SNTG1: variants seen among roughly 807,000 people sequenced by gnomAD.
SNTG1 encodes the protein gamma-1-syntrophin.
SNTG1 carries 39 observed loss-of-function variants against 74.7 expected under a neutral mutation model. The observed-to-expected ratio is 0.52, with a 90% CI of 0.40 to 0.68. The LOEUF (loss-of-function observed/expected upper bound fraction) is 0.68. Ranked by LOEUF, SNTG1 falls within the 30% of genes least tolerant of loss-of-function variation. The probability of loss-of-function intolerance (pLI) is 0.00; values close to 1 mark genes in which losing one functional copy is unlikely to be tolerated. For synonymous variants in SNTG1, 254 were observed against 217.1 expected (o/e 1.17, Z -1.49); for missense variants, 685 against 609.5 (o/e 1.12, Z -1.30).
chr8:50,425,554 C>T (rs1364470452), intron 4 of SNTG1, among the ~76,000 whole-genome samples: 1 of 151,916 alleles, frequency 6.6e-6, no homozygotes, highest in African/African-American at 2.4e-5. Flanking sequence ...TTATATATTA[C>T]AGTATAATAA....
At chr8:50,749,568 A>G (rs753154144) in intron 17 of SNTG1, among the ~76,000 whole-genome samples, 25 of 151,974 alleles carry the variant, frequency 1.6e-4, no homozygotes, top group Non-Finnish European at 3.1e-4. Flanking sequence ...TGGCTTCAAA[A>G]CTTCAAAGGA....
chr8:50,734,279 T>C (rs911464844), intron 17 of SNTG1, among the ~76,000 whole-genome samples: 1 of 151,792 alleles, frequency 6.6e-6, no homozygotes, highest in African/African-American at 2.4e-5. Flanking sequence ...GCCTTTTGGC[T>C]AAGATCAAGT....
At chr8:50,565,948 A>T (rs985238373) in intron 12 of SNTG1, among the ~76,000 whole-genome samples, 7 of 152,000 alleles carry the variant, frequency 4.6e-5, no homozygotes, top group African/African-American at 1.7e-4. Context: ...AAAGAGATAC[A>T]ATCATAGCAA....
chr8:50,774,747 A>G (rs557656875), intron 18 of SNTG1, among the ~76,000 whole-genome samples: 14 of 151,864 alleles, frequency 9.2e-5, no homozygotes, highest in Admixed American at 6.6e-4. Flanking sequence ...AATGATAATT[A>G]TATCACTGTG....
chr8:50,345,714 AT>A (rs2091452693), intron 2 of SNTG1, among the ~76,000 whole-genome samples: 2 of 152,216 alleles, frequency 1.3e-5, no homozygotes, highest in African/African-American at 4.8e-5. Context: ...TTTTCAGTAT[AT>A]TTTATACCAG....
chr8:50,795,081 T>A lies in SNTG1; in HGVS notation c.*2252T>A, dbSNP rs1250021683. On this transcript the variant is annotated 3_prime_UTR_variant, in exon 19 of 19. Coordinates refer to ENST00000642720, the MANE Select transcript of SNTG1 (RefSeq NM_018967.5). ...ACATGGGTGTATATATATATAAATA[T>A]AATGAAATGCTGACCATTAATTATA... 3.3e-5 allele frequency: 5 copies of A among 151,832 alleles called. No homozygotes were observed. The highest frequency in any genetic ancestry group is 5.9e-5 in the Non-Finnish European group (4 of 67,918). The allele number at this position is 151,832 out of a possible 1,614,324, so 9.4% of individuals were successfully genotyped here. A position where few individuals can be genotyped will look rare whatever the true frequency, so the allele number is the denominator to read the frequency against.
chr8:50,326,244 CT>C (rs2090742768), intron 2 of SNTG1, among the ~76,000 whole-genome samples: 1 of 152,046 alleles, frequency 6.6e-6, no homozygotes, highest in Admixed American at 6.5e-5. Flanking sequence ...CCAATTCTGC[CT>C]TCTGGAAATG....
intron 4 of SNTG1, among the ~76,000 whole-genome samples, chr8:50,422,407 T>C (rs1381534201): frequency 6.6e-6 from 1 of 152,164 alleles, no homozygotes; most frequent in Middle Eastern, 3.2e-3. Flanking sequence ...TACAGCAGAT[T>C]ACACATTATT....
chr8:50,011,894 G>A (rs1815842298), intron 1 of SNTG1: 1 of 152,186 alleles, frequency 6.6e-6, no homozygotes. Flanking sequence ...CAACTTGAAT[G>A]TCAATGAACT....
At chr8:50,688,236 G>A (rs1430215152) in intron 15 of SNTG1, among the ~76,000 whole-genome samples, 1 of 152,048 alleles carries the variant, frequency 6.6e-6, no homozygotes, top group Admixed American at 6.6e-5. Flanking sequence ...AGTTTCTTTT[G>A]CTGTGCAGAA....
At chr8:50,468,608 A>C (rs2131728439) in intron 8 of SNTG1, among the ~76,000 whole-genome samples, 1 of 152,246 alleles carries the variant, frequency 6.6e-6, no homozygotes, top group African/African-American at 2.4e-5. Context: ...TGGTTGCAAT[A>C]TTTATACCAT....
At chr8:50,412,702 G>A (rs2092964981) in intron 4 of SNTG1, among the ~76,000 whole-genome samples, 1 of 152,096 alleles carries the variant, frequency 6.6e-6, no homozygotes, top group South Asian at 2.1e-4. Context: ...GAATTTTGCG[G>A]GATATATGTA....
intron 18 of SNTG1, among the ~76,000 whole-genome samples, chr8:50,778,618 A>G (rs1419560123): frequency 2.7e-5 from 4 of 148,484 alleles, no homozygotes; most frequent in Non-Finnish European, 2.9e-5. Flanking sequence ...CTGTCAGATG[A>G]GTAGGTTGCG....
rs191152856 is a variant in SNTG1 at position 50,578,128 on chromosome 8, G to A, written c.811-12751G>A. Reference sequence around the variant, plus strand: ...GGAAGTTAAAATGAATAAGACACATGTCTCTTCTTAAGGATTACACTGCAT... The same window carrying A: ...GGAAGTTAAAATGAATAAGACACATATCTCTTCTTAAGGATTACACTGCAT... On this transcript the variant is annotated intron_variant, in intron 12 of 18. Transcript: ENST00000642720. Among the ~76,000 whole-genome samples, 30 of 152,330 alleles carry A rather than the reference G, an allele frequency of 2.0e-4. No individual in the cohort carries two copies. In the East Asian group the frequency reaches 4.2e-3, roughly 22 times the overall value.
chr8:50,194,784 T>A (rs1389249211), intron 2 of SNTG1, among the ~76,000 whole-genome samples: 2 of 152,130 alleles, frequency 1.3e-5, no homozygotes, highest in Non-Finnish European at 2.9e-5. Flanking sequence ...CTCTTTCATT[T>A]TTTTTGATGT....
At chr8:50,248,233 T>A (rs1316472050) in intron 2 of SNTG1, among the ~76,000 whole-genome samples, 1 of 152,068 alleles carries the variant, frequency 6.6e-6, no homozygotes, top group Non-Finnish European at 1.5e-5. Context: ...GGGAGGGAAA[T>A]TGTCAACCCA....
intron 15 of SNTG1, among the ~76,000 whole-genome samples, chr8:50,668,359 C>T (rs555182225): frequency 6.6e-6 from 1 of 151,248 alleles, no homozygotes; most frequent in Non-Finnish European, 1.5e-5. Flanking sequence ...TTTCATTGAC[C>T]TATATTTGCT....
At chr8:50,337,806 T>C (rs2957604) in intron 2 of SNTG1, among the ~76,000 whole-genome samples, 124,508 of 152,214 alleles carry the variant, frequency 0.82, 53,385 homozygotes, top group East Asian at 1. Context: ...TAGTGAAATA[T>C]AGTTGAAAAA....
At chr8:50,013,310 A>G (rs1274909120) in intron 1 of SNTG1, among the ~76,000 whole-genome samples, 7 of 152,084 alleles carry the variant, frequency 4.6e-5, no homozygotes, top group Admixed American at 3.9e-4. Context: ...CTGGCAAAAT[A>G]GCACCTCGTC....
Sources: allele counts gnomAD v4.1 joint callset (sites outside exome capture counted in the v4.1 genomes callset), GRCh38; gene constraint gnomAD v4.1.1; transcripts MANE v1.5; gene names NCBI Gene and HGNC (gene_info 2026-07-23, HGNC 2026-07-21).